STAT3: variants seen among roughly 807,000 people sequenced by gnomAD.
STAT3 encodes signal transducer and activator of transcription 3, also known as DNA-binding protein APRF.
Under a neutral mutation model 114.3 loss-of-function variants are expected in STAT3, and 7 were observed. That is an observed-to-expected ratio of 0.06 (90% CI 0.03 to 0.11). The LOEUF (loss-of-function observed/expected upper bound fraction) is 0.11. Among genes scored for constraint, STAT3 ranks in the 10% least tolerant of loss-of-function variants. The pLI is 1.00. For synonymous variants in STAT3, 331 were observed against 354.5 expected, an observed-to-expected ratio of 0.93 and a Z score of 0.74; for missense variants, 364 against 960.9, an observed-to-expected ratio of 0.38 and a Z score of 8.21.
At chr17:42,317,286 G>C (rs780954896) in intron 21 of STAT3, 62 bp from the exon 22 acceptor site, 1 of 1,584,716 alleles carries the variant, frequency 6.3e-7, no homozygotes, top group Non-Finnish European at 8.6e-7. Flanking sequence ...AGCAGAGCTG[G>C]AGGAAGCCAT....
In STAT3 at chr17:42,337,727, G is replaced by A; in HGVS notation, c.645+36C>T. The A allele has an allele frequency of 6.2e-7, 1 of 1,612,964 alleles. No homozygotes were observed. ...ACGCTGAAATCCCGCAAGTGAGCGA[G>A]ACACATGGGGGAAGTGGTCCGACCT... On this transcript the variant is annotated intron_variant, in intron 7 of 23. Transcript: ENST00000264657. The surrounding 1 kb of genome is among the most constrained non-coding windows in gnomAD (Gnocchi z 4.0).
intron 11 of STAT3, among the ~76,000 whole-genome samples, chr17:42,330,022 C>T (rs926153987): frequency 6.6e-6 from 1 of 152,210 alleles, no homozygotes. Context: ...CTACCACCTT[C>T]GTCAACTCCC....
intron 4 of STAT3, among the ~76,000 whole-genome samples, chr17:42,342,294 C>A (rs145547264): frequency 3.3e-5 from 5 of 152,080 alleles, no homozygotes; most frequent in Non-Finnish European, 7.4e-5. Context: ...ACCAGCCTGG[C>A]CAATATGGTG....
At chr17:42,322,226 C>CA in intron 21 of STAT3, 56 bp downstream of exon 21, 1 of 1,594,976 alleles carries the variant, frequency 6.3e-7, no homozygotes, top group Non-Finnish European at 8.6e-7. Flanking sequence ...CCAAGGATCC[C>CA]AAAATTTCCA....
intron 1 of STAT3, among the ~76,000 whole-genome samples, chr17:42,354,656 A>G (rs1055790413): frequency 6.6e-6 from 1 of 151,200 alleles, no homozygotes; most frequent in African/African-American, 2.4e-5. Context: ...AAAATTCAAA[A>G]ATTAGCCAGG....
intron 23 of STAT3, 108 bp from the exon 24 acceptor site, chr17:42,315,908 A>G (rs1224409765): frequency 1.2e-5 from 19 of 1,600,530 alleles, no homozygotes; most frequent in African/African-American, 1.3e-5. Flanking sequence ...CTGCTATCCA[A>G]TCTCCTGCCC....
intron 23 of STAT3, chr17:42,316,484 G>C (rs2081255228): frequency 1.8e-6 from 1 of 555,550 alleles, no homozygotes; most frequent in Non-Finnish European, 3.1e-6. Flanking sequence ...CTCCCAAAGT[G>C]CTGGGATTAC....
rs1567718498 is a variant in STAT3, at chr17:42,333,962, C to T, written c.885G>A (p.Gly295=). ...EELQQKVSYK[G]DPIVQHRPML... Reference sequence around the variant, plus strand: ...TCGGCCGGTGCTGTACAATGGGGTCCCCTTTGTAGGAAACTTTTTGCTGCA... The same window carrying T: ...TCGGCCGGTGCTGTACAATGGGGTCTCCTTTGTAGGAAACTTTTTGCTGCA... Residue 295 remains glycine (G), a synonymous_variant, in exon 9 of 24, where the codon GGG becomes GGA. Coordinates refer to ENST00000264657, the MANE Select transcript of STAT3 (RefSeq NM_139276.3). This position sits in a 1 kb window ranked among gnomAD's most constrained non-coding sequence, Gnocchi z 5.2. The T allele has an allele frequency of 6.2e-7, 1 of 1,614,154 alleles. No homozygotes were observed. Among genetic ancestry groups the T allele is most frequent in the Non-Finnish European group, 8.5e-7 (1 of 1,180,042 alleles).
At chr17:42,343,689 A>G (rs1450238033) in intron 4 of STAT3, among the ~76,000 whole-genome samples, 8 of 151,998 alleles carry the variant, frequency 5.3e-5, no homozygotes, top group Admixed American at 5.2e-4. Context: ...TCTTGACCTC[A>G]TGATCTGCCC....
At chr17:42,352,385 G>C (rs547463551) in intron 1 of STAT3, among the ~76,000 whole-genome samples, 1 of 152,030 alleles carries the variant, frequency 6.6e-6, no homozygotes, top group Non-Finnish European at 1.5e-5. Context: ...AGATTCACCT[G>C]CCACAGGACA....
chr17:42,318,043 C>T (rs1449833145), intron 21 of STAT3, among the ~76,000 whole-genome samples: 1 of 152,156 alleles, frequency 6.6e-6, no homozygotes, highest in African/African-American at 2.4e-5. Flanking sequence ...ACCTCCTACT[C>T]CCAGGTCAAA....
chr17:42,382,153 C>T (rs993031761), intron 1 of STAT3, among the ~76,000 whole-genome samples: 3 of 152,190 alleles, frequency 2.0e-5, no homozygotes, highest in Non-Finnish European at 4.4e-5. Context: ...CTATAAAACC[C>T]TATTCAGGTG....
chr17:42,329,847 G>T, intron 11 of STAT3, 71 bp from the exon 12 acceptor site: 1 of 1,537,680 alleles, frequency 6.5e-7, no homozygotes, highest in Non-Finnish European at 8.9e-7. Context: ...TTGACCACCT[G>T]TTATTTACTG....
At chr17:42,344,541 C>T (rs1168848750) in intron 4 of STAT3, among the ~76,000 whole-genome samples, 3 of 151,382 alleles carry the variant, frequency 2.0e-5, no homozygotes, top group Non-Finnish European at 4.4e-5. Context: ...AAGGTGAAAC[C>T]CCATCTCTAC....
intron 1 of STAT3, among the ~76,000 whole-genome samples, chr17:42,353,261 T>C (rs577611827): frequency 6.6e-6 from 1 of 151,382 alleles, no homozygotes; most frequent in Admixed American, 6.6e-5. Context: ...GGCAGGAGAA[T>C]TGCTTGAACC....
At chr17:42,353,438 C>T (rs971612250) in intron 1 of STAT3, among the ~76,000 whole-genome samples, 1 of 151,378 alleles carries the variant, frequency 6.6e-6, no homozygotes. Flanking sequence ...ACATATGTGA[C>T]TTGGATCTTA....
intron 1 of STAT3, among the ~76,000 whole-genome samples, chr17:42,381,085 C>G (rs2084764901): frequency 6.6e-6 from 1 of 152,098 alleles, no homozygotes; most frequent in Admixed American, 6.6e-5. Flanking sequence ...GAAGTGAAAA[C>G]AACAGGCCCA....
chr17:42,322,475 G>C lies in STAT3; in HGVS notation c.1908C>G (p.Ser636=), dbSNP rs1178410429. 6.2e-7 allele frequency: 1 copy of C among 1,614,202 alleles called. No homozygotes were observed. Among genetic ancestry groups the C allele is most frequent in the South Asian group, 1.1e-5 (1 of 91,086 alleles). ...KDISGKTQIQ[S]VEPYTKQQLN... ...GCTGCTGCTTTGTGTATGGTTCCACGGACTGGATCTGGGTCTTACCTGTCA... is the reference window on the plus strand; with the variant it reads ...GCTGCTGCTTTGTGTATGGTTCCACCGACTGGATCTGGGTCTTACCTGTCA... Residue 636 remains serine (S), a synonymous_variant, in exon 21 of 24, where the codon TCC becomes TCG. Transcript: ENST00000264657.
At chr17:42,316,161 G>C in intron 23 of STAT3, 1 of 986,266 alleles carries the variant, frequency 1.0e-6, no homozygotes, top group Non-Finnish European at 1.3e-6. Flanking sequence ...TGCTGTGGCT[G>C]TCAAAAGCCC....
Sources: allele counts gnomAD v4.1 joint callset (sites outside exome capture counted in the v4.1 genomes callset), GRCh38; gene constraint gnomAD v4.1.1; non-coding constraint Gnocchi (gnomAD v3.1); transcripts MANE v1.5; gene names NCBI Gene and HGNC (gene_info 2026-07-23, HGNC 2026-07-21).